The following DISP1 variants were observed in gnomAD, a reference collection of about 807,000 sequenced individuals.
The protein encoded by DISP1 is protein dispatched homolog 1.
In DISP1, 30 loss-of-function variants were observed where a neutral mutation model predicts 37.3. The observed-to-expected ratio is 0.80, with a 90% CI of 0.60 to 1.09. The LOEUF (loss-of-function observed/expected upper bound fraction) is 1.09, where lower values mean the gene tolerates loss of function less well. Ranked by LOEUF, DISP1 falls within the 50% of genes least tolerant of loss-of-function variation. The probability of loss-of-function intolerance (pLI) is 0.00; values close to 1 mark genes in which losing one functional copy is unlikely to be tolerated. For synonymous variants in DISP1, 634 were observed against 690.2 expected, an observed-to-expected ratio of 0.92 and a Z score of 1.28; for missense variants, 1,598 against 1,879.5, an observed-to-expected ratio of 0.85 and a Z score of 2.77.
intron 1 of DISP1, among the ~76,000 whole-genome samples, chr1:222,820,688 T>A (rs1011634597): frequency 9.2e-5 from 14 of 152,202 alleles, no homozygotes; most frequent in Admixed American, 7.9e-4. Context: ...AGAAGAAACC[T>A]TAGGCAAGTT....
intron 1 of DISP1, among the ~76,000 whole-genome samples, chr1:222,864,733 T>C (rs1164128485): frequency 2.0e-5 from 3 of 152,204 alleles, no homozygotes; most frequent in Admixed American, 6.6e-5. Flanking sequence ...GTGTGAAATA[T>C]GTTCTTCATT....
At chr1:222,926,081 CCT>C (rs1391532885) in intron 1 of DISP1, among the ~76,000 whole-genome samples, 1 of 152,130 alleles carries the variant, frequency 6.6e-6, no homozygotes, top group Admixed American at 6.6e-5. Context: ...CACTCCCCAT[CCT>C]CTGTCTCCAC....
intron 3 of DISP1, among the ~76,000 whole-genome samples, chr1:222,981,983 G>A (rs1677869095): frequency 6.6e-6 from 1 of 152,134 alleles, no homozygotes; most frequent in African/African-American, 2.4e-5. Context: ...TAGCTGATAT[G>A]TACCATATTG....
intron 3 of DISP1, among the ~76,000 whole-genome samples, chr1:222,972,222 A>G (rs540458394): frequency 6.6e-6 from 1 of 152,208 alleles, no homozygotes; most frequent in South Asian, 2.1e-4. Flanking sequence ...TTATAATGTC[A>G]TATATATTTA....
intron 7 of DISP1, among the ~76,000 whole-genome samples, chr1:222,994,105 G>A (rs1250976360): frequency 6.6e-6 from 1 of 151,966 alleles, no homozygotes. Context: ...ATATTGTTGG[G>A]CATCTATTAT....
intron 8 of DISP1, among the ~76,000 whole-genome samples, chr1:223,002,134 C>T (rs1679500345): frequency 6.6e-6 from 1 of 152,164 alleles, no homozygotes; most frequent in South Asian, 2.1e-4. Flanking sequence ...AGTTGTTTCA[C>T]ACTTGCATGT....
chr1:223,004,263 AG>A lies in DISP1; in HGVS notation c.2867del (p.Ser956IlefsTer43), dbSNP rs756133764. 1 of 1,614,106 alleles carries A rather than the reference AG, an allele frequency of 6.2e-7. No individual in the cohort carries two copies. The highest frequency in any genetic ancestry group is 8.5e-7 in the Non-Finnish European group (1 of 1,180,002). On this transcript the variant is annotated frameshift_variant, in exon 9 of 9. Coordinates refer to ENST00000675850, the MANE Select transcript of DISP1 (RefSeq NM_001377229.1). LOFTEE classifies it low-confidence loss of function (END_TRUNC). This position sits in a 1 kb window ranked among gnomAD's most constrained non-coding sequence, Gnocchi z 4.9. ...EVDSWISSEL[S>X]SAPEGLSNGW... ...GGACTCGTGGATATCCAGTGAGCTG[AG>A]TTCGGCCCCTGAAGGCCTCAGCAAT...
intron 3 of DISP1, among the ~76,000 whole-genome samples, chr1:222,978,599 C>A (rs547007927): frequency 4.7e-4 from 71 of 152,124 alleles, no homozygotes; most frequent in Non-Finnish European, 9.4e-4. Context: ...TTTGCCCATG[C>A]CTGTGTCCTG....
chr1:222,933,630 G>A (rs1157279327), intron 2 of DISP1, among the ~76,000 whole-genome samples: 1 of 151,848 alleles, frequency 6.6e-6, no homozygotes. Context: ...TATAGTTTAT[G>A]CTTAAGGGGA....
At position 222,990,753 on chromosome 1, in the gene DISP1, C is replaced by T; in HGVS notation, c.663+5C>T. 6.2e-7 allele frequency: 1 copy of T among 1,613,896 alleles called. No homozygotes were observed. Among genetic ancestry groups the T allele is most frequent in the Non-Finnish European group, 8.5e-7 (1 of 1,179,886 alleles). On this transcript the variant is annotated splice_donor_5th_base_variant and intron_variant, in intron 5 of 8. Coordinates refer to ENST00000675850, the MANE Select transcript of DISP1 (RefSeq NM_001377229.1). ...GACTTCTCTGATCCATTGCTGGTAA[C>T]TAACTTTTATGTTTTCTTTAGCCTA... is the stretch of plus-strand genomic sequence containing the variant.
intron 2 of DISP1, among the ~76,000 whole-genome samples, chr1:222,938,459 G>T (rs898199402): frequency 1.3e-5 from 2 of 151,892 alleles, no homozygotes; most frequent in Non-Finnish European, 2.9e-5. Context: ...AGGAGGCTGG[G>T]CATGGTGGCT....
intron 1 of DISP1, among the ~76,000 whole-genome samples, chr1:222,892,849 G>T (rs1671014199): frequency 6.6e-6 from 1 of 152,180 alleles, no homozygotes; most frequent in Non-Finnish European, 1.5e-5. Context: ...TGAATGTCCA[G>T]CTTGGTGATC....
intron 1 of DISP1, among the ~76,000 whole-genome samples, chr1:222,923,793 G>A (rs951879882): frequency 6.6e-6 from 1 of 151,944 alleles, no homozygotes; most frequent in Non-Finnish European, 1.5e-5. Context: ...GACTTTTTTC[G>A]GTAACATTTC....
chr1:222,879,821 T>G (rs1165102829), intron 1 of DISP1, among the ~76,000 whole-genome samples: 1 of 152,142 alleles, frequency 6.6e-6, no homozygotes, highest in Non-Finnish European at 1.5e-5. Context: ...AAATGTAAGT[T>G]TAAAATAAAA....
chr1:222,991,258 T>G (rs549530564), intron 5 of DISP1, among the ~76,000 whole-genome samples: 3 of 152,250 alleles, frequency 2.0e-5, no homozygotes, highest in African/African-American at 7.2e-5. Flanking sequence ...ACTAAATGCT[T>G]AGGCATGAGT....
rs577129486 is a variant in DISP1, at chr1:222,864,034, C to G, written c.-159+48956C>G. Among the ~76,000 whole-genome samples, 6 of 152,246 alleles carry G rather than the reference C, an allele frequency of 3.9e-5. No homozygotes were observed. The South Asian group carries it at 1.2e-3, about 32-fold the overall frequency. ...CTCATTGCTACTAATAGCATTGGCT[C>G]TAGACCCTCTCAGATCTCAGATCTC... is the stretch of plus-strand genomic sequence containing the variant. On this transcript the variant is annotated intron_variant, in intron 1 of 8. Coordinates refer to ENST00000675850, the MANE Select transcript of DISP1 (RefSeq NM_001377229.1).
intron 3 of DISP1, among the ~76,000 whole-genome samples, chr1:222,975,053 T>C (rs936582442): frequency 6.6e-6 from 1 of 152,202 alleles, no homozygotes; most frequent in African/African-American, 2.4e-5. Flanking sequence ...ATTTGGTTAC[T>C]ACCATAAAGC....
At chr1:222,917,902 A>G (rs957848974) in intron 1 of DISP1, among the ~76,000 whole-genome samples, 1 of 152,212 alleles carries the variant, frequency 6.6e-6, no homozygotes, top group East Asian at 1.9e-4. Flanking sequence ...CAAGGGGACT[A>G]AAGTGGGAAA....
At chr1:222,908,908 G>C (rs1344830021) in intron 1 of DISP1, among the ~76,000 whole-genome samples, 1 of 147,644 alleles carries the variant, frequency 6.8e-6, no homozygotes, top group Non-Finnish European at 1.5e-5. Flanking sequence ...TTATTTTTCT[G>C]TTTGTGATGT....
Sources: allele counts gnomAD v4.1 joint callset (sites outside exome capture counted in the v4.1 genomes callset), GRCh38; gene constraint gnomAD v4.1.1; non-coding constraint Gnocchi (gnomAD v3.1); transcripts MANE v1.5; gene names NCBI Gene and HGNC (gene_info 2026-07-23, HGNC 2026-07-21).